NIBAN2: variants seen among roughly 807,000 people sequenced by gnomAD.
The protein encoded by NIBAN2 is protein Niban 2.
A neutral mutation model predicts 81.8 loss-of-function variants in NIBAN2; 36 were observed. The observed-to-expected ratio is 0.44, with a 90% CI of 0.34 to 0.58. The LOEUF (loss-of-function observed/expected upper bound fraction) is 0.58, where lower values mean the gene tolerates loss of function less well. Among genes scored for constraint, NIBAN2 ranks in the 20% least tolerant of loss-of-function variants. The probability of loss-of-function intolerance (pLI) is 0.02; values close to 1 mark genes in which losing one functional copy is unlikely to be tolerated. For synonymous variants in NIBAN2, 445 were observed against 441.6 expected (o/e 1.01, Z -0.10); for missense variants, 897 against 1,014.1 (o/e 0.88, Z 1.57).
intron 5 of NIBAN2, among the ~76,000 whole-genome samples, chr9:127,519,914 C>T (rs1160334310): frequency 3.3e-5 from 5 of 152,224 alleles, no homozygotes; most frequent in African/African-American, 1.2e-4. Context: ...CCTGCAGGCA[C>T]TCCCACGGGG....
chr9:127,507,823 C>T lies in NIBAN2; in HGVS notation c.1654+44G>A, dbSNP rs764355019. On this transcript the variant is annotated intron_variant, in intron 13 of 13. Coordinates refer to ENST00000373312, the MANE Select transcript of NIBAN2 (RefSeq NM_022833.4). The surrounding 1 kb of genome is among the most constrained non-coding windows in gnomAD (Gnocchi z 6.8). ...TGCCACCACTTCTCAGCTGCGCCCCCAGCATCCTCCTGGCAACAGTCCCCA... is the reference window on the plus strand; with the variant it reads ...TGCCACCACTTCTCAGCTGCGCCCCTAGCATCCTCCTGGCAACAGTCCCCA... The T allele has an allele frequency of 1.3e-6, 2 of 1,569,764 alleles. No individual in the cohort carries two copies. The highest frequency in any genetic ancestry group is 2.2e-5 in the South Asian group (2 of 90,126).
In NIBAN2 at chr9:127,508,857, C is replaced by G. The variant is rs1015518274; in HGVS notation, c.1317+119G>C. ...ATGTTCCAAGCAGAGGAGGAGAGAG[C>G]GTGCCAGGCAAGCGTGGCTATGGCA... On this transcript the variant is annotated intron_variant, in intron 10 of 13. Coordinates refer to ENST00000373312, the MANE Select transcript of NIBAN2 (RefSeq NM_022833.4). The surrounding 1 kb of genome is among the most constrained non-coding windows in gnomAD (Gnocchi z 6.4). 1 of 1,125,252 alleles carries G rather than the reference C, an allele frequency of 8.9e-7. No individual in the cohort carries two copies. Among genetic ancestry groups the G allele is most frequent in the Non-Finnish European group, 1.3e-6 (1 of 759,112 alleles). 69.7% of individuals were successfully genotyped at this position (1,125,252 alleles called of 1,614,324 possible).
At chr9:127,571,464 G>A (rs553514884), upstream of NIBAN2, among the ~76,000 whole-genome samples, 11 of 152,284 alleles carry the variant, frequency 7.2e-5, no homozygotes, top group East Asian at 1.9e-4. Flanking sequence ...TTGGGAGGCC[G>A]AGGCAGGCAG....
intron 1 of NIBAN2, among the ~76,000 whole-genome samples, chr9:127,540,590 C>A (rs1837359945): frequency 1.3e-5 from 2 of 152,168 alleles, no homozygotes; most frequent in Non-Finnish European, 2.9e-5. Flanking sequence ...GACCAGGTGA[C>A]CGAGAACTGG....
At chr9:127,554,542 C>CTTTTT (rs1491507396) in intron 1 of NIBAN2, among the ~76,000 whole-genome samples, 1 of 108,106 alleles carries the variant, frequency 9.3e-6, no homozygotes, top group African/African-American at 3.8e-5. Context: ...TTTTCTTTTT[C>CTTTTT]TTTTTCTTTT....
Position 127,516,885 on chromosome 9 carries a change from G to A in NIBAN2, c.945C>T (p.Ser315=). ...GGATCTTGCTGGCAAGGTGCTCCTT[G>A]GAGGTGATAATTTGGTCCATGTCAG... The part of the protein sequence containing the change: ...IRTDMDQIIT[S]KEHLASKIRA... Residue 315 remains serine, a synonymous_variant, in exon 8 of 14, where the codon TCC becomes TCT. Coordinates refer to ENST00000373312, the MANE Select transcript of NIBAN2 (RefSeq NM_022833.4). 6.2e-7 allele frequency: 1 copy of A among 1,614,198 alleles called. No individual in the cohort carries two copies. Among genetic ancestry groups the A allele is most frequent in the Non-Finnish European group, 8.5e-7 (1 of 1,180,012 alleles).
At chr9:127,558,140 C>T (rs1837708010) in intron 1 of NIBAN2, among the ~76,000 whole-genome samples, 1 of 152,132 alleles carries the variant, frequency 6.6e-6, no homozygotes, top group South Asian at 2.1e-4. Context: ...CACAGCCCCT[C>T]ACTGTCTGCG....
intron 1 of NIBAN2, chr9:127,578,843 C>A (rs1838040944): frequency 1.4e-6 from 2 of 1,418,832 alleles, no homozygotes; most frequent in East Asian, 2.4e-5. Flanking sequence ...AGTGACAGAG[C>A]AAAACCTCCT....
At position 127,531,692 on chromosome 9, in the gene NIBAN2, T is replaced by A. The variant is rs778959952; in HGVS notation, c.142A>T (p.Ile48Phe). 5 of 1,614,054 alleles carry A rather than the reference T, an allele frequency of 3.1e-6. No individual in the cohort carries two copies. Among genetic ancestry groups the A allele is most frequent in the Non-Finnish European group, 4.2e-6 (5 of 1,180,022 alleles). The change falls in exon 2 of 14, where the codon ATT becomes TTT. Residue 48 changes from isoleucine (I) to phenylalanine (F), a missense_variant. This residue lies in a region of NIBAN2 where 209 missense variants were observed against 208.4 expected (regional missense o/e 1.00). Coordinates refer to ENST00000373312, the MANE Select transcript of NIBAN2 (RefSeq NM_022833.4). ...GCCTGCGGCAGCCCCGTGCCCTCAA[T>A]CTCATGGCGCATGCTGTTGAAGAGA... ...VALFNSMRHEIEGTGLPQAQL... is the reference protein window; with the variant it reads ...VALFNSMRHEFEGTGLPQAQL...
intron 1 of NIBAN2, among the ~76,000 whole-genome samples, chr9:127,575,916 G>A (rs917557590): frequency 9.2e-5 from 14 of 152,036 alleles, no homozygotes; most frequent in Admixed American, 1.3e-4. Flanking sequence ...CATCAGAGAG[G>A]ACATTTCTGC....
Position 127,516,847 on chromosome 9 carries a change from G to A in NIBAN2, c.973+10C>T. On this transcript the variant is annotated intron_variant, in intron 8 of 13. Coordinates refer to ENST00000373312, the MANE Select transcript of NIBAN2 (RefSeq NM_022833.4). ...TGGAGGGCCCGTCGAGCACGGGGGT[G>A]GCTGCCTACCTCGGATCTTGCTGGC... is the stretch of plus-strand genomic sequence containing the variant. 1 of 1,606,672 alleles carries A rather than the reference G, an allele frequency of 6.2e-7. No homozygotes were observed. The highest frequency in any genetic ancestry group is 8.5e-7 in the Non-Finnish European group (1 of 1,173,752).
At position 127,563,666 on chromosome 9, in the gene NIBAN2, G is replaced by A. The variant is rs1837811495; in HGVS notation, c.55+5154C>T. Among the ~76,000 whole-genome samples, 1 of 152,090 alleles carries A rather than the reference G, an allele frequency of 6.6e-6. No individual in the cohort carries two copies. Among genetic ancestry groups the A allele is most frequent in the Non-Finnish European group, 1.5e-5 (1 of 68,016 alleles). ...GCCTCCCAAGTAGCTGGGACTACAG[G>A]CACGCACCACCAGGCCCGGCTAATT... On this transcript the variant is annotated intron_variant, in intron 1 of 13. Transcript: ENST00000373312. This position sits in a 1 kb window ranked among gnomAD's most constrained non-coding sequence, Gnocchi z 4.1.
At chr9:127,577,014 T>C (rs1166517234) in intron 1 of NIBAN2, among the ~76,000 whole-genome samples, 2 of 151,764 alleles carry the variant, frequency 1.3e-5, no homozygotes, top group African/African-American at 4.8e-5. Context: ...AATTTATTGT[T>C]ATTTTATTTT....
Position 127,508,968 on chromosome 9 carries a change from G to A in NIBAN2, c.1317+8C>T, listed in dbSNP as rs376016045. On this transcript the variant is annotated splice_region_variant and intron_variant, in intron 10 of 13. Transcript: ENST00000373312. The surrounding 1 kb of genome is among the most constrained non-coding windows in gnomAD (Gnocchi z 6.4). ...GGTGTGGGGTGGGGGTCGTAGCCTC[G>A]GGTCTACCTCCCGCATGTGGATCTG... 62 of 1,613,342 alleles carry A rather than the reference G, an allele frequency of 3.8e-5. No individual in the cohort carries two copies. Among genetic ancestry groups the A allele is most frequent in the East Asian group, 1.8e-4 (8 of 44,878 alleles).
intron 8 of NIBAN2, among the ~76,000 whole-genome samples, chr9:127,513,654 A>G (rs1836774296): frequency 6.6e-6 from 1 of 152,216 alleles, no homozygotes; most frequent in South Asian, 2.1e-4. Flanking sequence ...AAGTCTCCCT[A>G]TATGCTCTAT....
At chr9:127,577,558 C>T (rs1838024443) in intron 1 of NIBAN2, among the ~76,000 whole-genome samples, 1 of 145,864 alleles carries the variant, frequency 6.9e-6, no homozygotes, top group Admixed American at 6.8e-5. Flanking sequence ...TCCAATACCC[C>T]ACGCTTCCCA....
intron 1 of NIBAN2, among the ~76,000 whole-genome samples, chr9:127,549,365 G>C (rs1381360532): frequency 6.6e-6 from 1 of 151,682 alleles, no homozygotes; most frequent in Non-Finnish European, 1.5e-5. Flanking sequence ...CCACACACAT[G>C]CACTCACATG....
chr9:127,548,833 A>G (rs1837520460), intron 1 of NIBAN2, among the ~76,000 whole-genome samples: 1 of 152,134 alleles, frequency 6.6e-6, no homozygotes, highest in Non-Finnish European at 1.5e-5. Flanking sequence ...GACGCTGGGG[A>G]AGTCCAGCCG....
Position 127,536,084 on chromosome 9 carries a change from CG to C in NIBAN2, c.56-4307del, listed in dbSNP as rs1281979139. The stretch of plus-strand genomic sequence containing the variant: ...GGGAGGACCATGGGAAACAGGGCCA[CG>C]GATGGCTCCTTGGCAGGGGTAGCCC... On this transcript the variant is annotated intron_variant, in intron 1 of 13. Coordinates refer to ENST00000373312, the MANE Select transcript of NIBAN2 (RefSeq NM_022833.4). The surrounding 1 kb of genome is among the most constrained non-coding windows in gnomAD (Gnocchi z 4.0). 2.6e-5 allele frequency among the ~76,000 whole-genome samples: 4 copies of C among 152,114 alleles called. No homozygotes were observed. Among genetic ancestry groups the C allele is most frequent in the Admixed American group, 6.5e-5 (1 of 15,268 alleles).
Sources: gnomAD v4.1 joint callset for allele counts (sites outside exome capture counted in the v4.1 genomes callset) on GRCh38, gnomAD v4.1.1 for gene constraint, gnomAD v4.1.1 regional missense constraint, Gnocchi (gnomAD v3.1) non-coding constraint, MANE v1.5 for transcripts, NCBI Gene and HGNC (gene_info 2026-07-23, HGNC 2026-07-21) for gene names.